CFAP65: variants seen among roughly 807,000 people sequenced by gnomAD.
CFAP65 encodes cilia- and flagella-associated protein 65.
In CFAP65, 155 loss-of-function variants were observed where a neutral mutation model predicts 208.0. That is an observed-to-expected ratio of 0.75 (90% CI 0.65 to 0.85). The LOEUF (loss-of-function observed/expected upper bound fraction) is 0.85, where lower values mean the gene tolerates loss of function less well. Ranked by LOEUF, CFAP65 falls within the 40% of genes least tolerant of loss-of-function variation. CFAP65 has a pLI of 0.00. For missense variants in CFAP65, 2,294 were observed against 2,451.3 expected (o/e 0.94, Z 1.36); for synonymous variants, 970 against 986.3 (o/e 0.98, Z 0.31).
rs1230616629 is a variant in CFAP65, at chr2:219,006,168, A to G, written c.4775T>C (p.Leu1592Pro). Reference protein sequence around the residue: ...QSVSRPASWKLQTPKEEVSWP... With the variant: ...QSVSRPASWKPQTPKEEVSWP... Reference sequence around the variant, plus strand: ...GGACACCTCCTCCTTTGGGGTCTGCAGTTTCCAGCTGGCAGGCCGGCTGAC... The same window carrying G: ...GGACACCTCCTCCTTTGGGGTCTGCGGTTTCCAGCTGGCAGGCCGGCTGAC... The change falls in exon 31 of 35, where the codon CTG becomes CCG. Residue 1592 changes from leucine (L) to proline (P), a missense_variant. Leu to Pro is a moderately conservative substitution (Grantham distance 98). Coordinates refer to ENST00000341552, the MANE Select transcript of CFAP65 (RefSeq NM_194302.4). The G allele has an allele frequency of 6.2e-7, 1 of 1,612,350 alleles. No homozygotes were observed. The highest frequency in any genetic ancestry group is 8.5e-7 in the Non-Finnish European group (1 of 1,178,944).
rs2106234578 is a variant in CFAP65, at chr2:219,031,303, T to G, written c.818A>C (p.Asp273Ala). ...EAFFCLDNVG[D>A]LPTFFTWEFS... ...CTCCCAGGTGAAGAAGGTGGGCAGG[T>G]CCCTGGGGGTGGGGGGCAGGTCAGG... The change falls in exon 8 of 35, where the codon GAC becomes GCC. Residue 273 changes from aspartate to alanine, a missense_variant and splice_region_variant. Coordinates refer to ENST00000341552, the MANE Select transcript of CFAP65 (RefSeq NM_194302.4). This position sits in a 1 kb window ranked among gnomAD's most constrained non-coding sequence, Gnocchi z 5.2. 3.1e-6 allele frequency: 5 copies of G among 1,613,324 alleles called. No homozygotes were observed. Among genetic ancestry groups the G allele is most frequent in the Non-Finnish European group, 4.2e-6 (5 of 1,179,488 alleles).
chr2:219,030,130 C>T lies in CFAP65; in HGVS notation c.1240G>A (p.Gly414Ser), dbSNP rs747361489. 4 of 1,614,124 alleles carry T rather than the reference C, an allele frequency of 2.5e-6. No individual in the cohort carries two copies. In the South Asian group the frequency reaches 4.4e-5, roughly 18 times the overall value. Reference sequence around the variant, plus strand: ...TTCTTCTCTCCCGGAAGCACGATGCCATGGGCCGTGGGGCATGAGAAGGCC... The same window carrying T: ...TTCTTCTCTCCCGGAAGCACGATGCTATGGGCCGTGGGGCATGAGAAGGCC... ...DQAFSCPTAH[G>S]IVLPGEKKCV... Residue 414 changes from glycine to serine, a missense_variant, in exon 10 of 35, where the codon GGC becomes AGC. Gly to Ser is a moderately conservative substitution (Grantham distance 56, BLOSUM62 0). This residue lies in a region of CFAP65 where 867 missense variants were observed against 1,012.6 expected (regional missense o/e 0.86). Coordinates refer to ENST00000341552, the MANE Select transcript of CFAP65 (RefSeq NM_194302.4).
At chr2:219,034,391 A>C (rs572319509) in intron 5 of CFAP65, 104 of 152,336 alleles carry the variant, frequency 6.8e-4, no homozygotes, top group African/African-American at 2.4e-3. Flanking sequence ...CCATATAGAC[A>C]AAAGACAAAT....
chr2:219,040,610 G>A (rs1010793447), intron 1 of CFAP65, 46 bp from the exon 2 acceptor site: 11 of 1,552,192 alleles, frequency 7.1e-6, no homozygotes, highest in Non-Finnish European at 9.6e-6. Context: ...CCACGGGATG[G>A]TCTTGCAGCC....
At chr2:219,016,912 C>T (rs1223616237) in intron 21 of CFAP65, among the ~76,000 whole-genome samples, 2 of 152,262 alleles carry the variant, frequency 1.3e-5, no homozygotes, top group African/African-American at 2.4e-5. Flanking sequence ...ACTCTCCACC[C>T]GCTGCTCCAG....
rs2106029879 is a variant in CFAP65, at chr2:219,002,861, A to G, written c.*76T>C. ...TCAAGGTAGATACAGAAAAAAGACT[A>G]GATGCTTTTACTGGCGGTGGAGAGG... is the stretch of plus-strand genomic sequence containing the variant. On this transcript the variant is annotated 3_prime_UTR_variant, in exon 35 of 35. Coordinates refer to ENST00000341552, the MANE Select transcript of CFAP65 (RefSeq NM_194302.4). The surrounding 1 kb of genome is among the most constrained non-coding windows in gnomAD (Gnocchi z 7.9). 1 of 1,290,708 alleles carries G rather than the reference A, an allele frequency of 7.7e-7. No individual in the cohort carries two copies. The highest frequency in any genetic ancestry group is 1.1e-6 in the Non-Finnish European group (1 of 910,144). 80.0% of individuals were successfully genotyped at this position (1,290,708 alleles called of 1,614,324 possible).
intron 9 of CFAP65, 119 bp from the exon 10 acceptor site, chr2:219,030,327 G>A (rs1008341841): frequency 3.4e-5 from 36 of 1,047,180 alleles, no homozygotes; most frequent in Non-Finnish European, 5.0e-5. Flanking sequence ...CTGGCATCCA[G>A]CCTGTGCCCC....
chr2:219,013,370 C>T lies in CFAP65; in HGVS notation c.3847-1G>A. 2 of 1,610,594 alleles carry T rather than the reference C, an allele frequency of 1.2e-6. No homozygotes were observed. The highest frequency in any genetic ancestry group is 1.7e-6 in the Non-Finnish European group (2 of 1,178,056). ...TCACTGTCACACCTATGAAATTTAG[C>T]TGGAAATAAAAGTTCCCCCGGAGGA... On this transcript the variant is annotated splice_acceptor_variant, in intron 23 of 34. Coordinates refer to ENST00000341552, the MANE Select transcript of CFAP65 (RefSeq NM_194302.4). LOFTEE classifies it high-confidence loss of function.
At chr2:219,006,663 GTC>G (rs970496502) in intron 29 of CFAP65, among the ~76,000 whole-genome samples, 154 bp from the exon 30 acceptor site, 35 of 152,166 alleles carry the variant, frequency 2.3e-4, no homozygotes, top group African/African-American at 8.2e-4. Flanking sequence ...GCGAAAGCCC[GTC>G]TCTACTAAAA....
chr2:219,006,608 C>CG, intron 29 of CFAP65, 99 bp from the exon 30 acceptor site: 1 of 1,166,716 alleles, frequency 8.6e-7, no homozygotes, highest in Non-Finnish European at 1.3e-6. Context: ...CCAAGGCGGG[C>CG]GGATCACCTG....
In CFAP65 at chr2:219,014,014, A is replaced by C; in HGVS notation, c.3633T>G (p.Ile1211Met). The change falls in exon 22 of 35, where the codon ATT becomes ATG. Residue 1211 changes from isoleucine to methionine, a missense_variant. Around this residue, in one of 2 missense-constraint regions of CFAP65, gnomAD observed 1,427 missense variants for 1,438.7 expected, o/e 0.99. Transcript: ENST00000341552. ...CTTGCTCTGCCCAGAGCTCCACGTC[A>C]ATCCGCTGGTCACTTGGAAGGAGGA... Reference protein sequence around the residue: ...WAFLLPSDQRIDVELWAEQAE... With the variant: ...WAFLLPSDQRMDVELWAEQAE... 1 of 1,612,752 alleles carries C rather than the reference A, an allele frequency of 6.2e-7. No individual in the cohort carries two copies. The highest frequency in any genetic ancestry group is 8.5e-7 in the Non-Finnish European group (1 of 1,179,312).
In CFAP65 at chr2:219,004,840, G is replaced by T. The variant is rs868539221; in HGVS notation, c.5052-385C>A. ...CTGGGGTGGGGGGGCCGGGGGGGGG[G>T]ACCGTGGTGGGATCTTGCAAAGAAG... On this transcript the variant is annotated intron_variant, in intron 32 of 34. Coordinates refer to ENST00000341552, the MANE Select transcript of CFAP65 (RefSeq NM_194302.4). The surrounding 1 kb of genome is among the most constrained non-coding windows in gnomAD (Gnocchi z 4.7). Among the ~76,000 whole-genome samples, 3 of 139,946 alleles carry T rather than the reference G, an allele frequency of 2.1e-5. No individual in the cohort carries two copies. Among genetic ancestry groups the T allele is most frequent in the Non-Finnish European group, 4.7e-5 (3 of 63,768 alleles). 91.8% of individuals were successfully genotyped at this position (139,946 alleles called of 152,430 possible).
At chr2:219,036,098 G>A (rs575428357) in intron 4 of CFAP65, among the ~76,000 whole-genome samples, 1 of 152,230 alleles carries the variant, frequency 6.6e-6, no homozygotes, top group Admixed American at 6.5e-5. Flanking sequence ...GTCTATCCCA[G>A]GCCCTTTTCC....
rs1370857862 is a variant in CFAP65 at position 219,008,064 on chromosome 2, C to T, written c.4674+983G>A. Among the ~76,000 whole-genome samples, 6 of 152,104 alleles carry T rather than the reference C, an allele frequency of 3.9e-5. No homozygotes were observed. In the East Asian group the frequency reaches 9.7e-4, roughly 25 times the overall value. On this transcript the variant is annotated intron_variant, in intron 29 of 34. Transcript: ENST00000341552. The stretch of plus-strand genomic sequence containing the variant: ...GAACTCCTGACCTCAAGTGATCTAC[C>T]CGCCTTGGCCTCCCAAAGTGCTGGG...
At position 219,019,102 on chromosome 2, in the gene CFAP65, G is replaced by A. The variant is rs201942758; in HGVS notation, c.3551C>T (p.Pro1184Leu). 6 of 1,614,128 alleles carry A rather than the reference G, an allele frequency of 3.7e-6. No individual in the cohort carries two copies. The highest frequency in any genetic ancestry group is 5.1e-6 in the Non-Finnish European group (6 of 1,180,054). Residue 1184 changes from proline to leucine, a missense_variant, in exon 21 of 35, where the codon CCT becomes CTT. This residue lies in a region of CFAP65 where 1,427 missense variants were observed against 1,438.7 expected (regional missense o/e 0.99). Coordinates refer to ENST00000341552, the MANE Select transcript of CFAP65 (RefSeq NM_194302.4). ...CTTCAGGGCCAGGAATACCACGGAAGGTGGGGCCTTGAATGGTGCGGCCCC... is the reference window on the plus strand; with the variant it reads ...CTTCAGGGCCAGGAATACCACGGAAAGTGGGGCCTTGAATGGTGCGGCCCC... Reference protein sequence around the residue: ...NFGAAPFKAPPSVVFLALKNS... With the variant: ...NFGAAPFKAPLSVVFLALKNS...
Position 219,024,473 on chromosome 2 carries a change from G to GAGAT in CFAP65, c.2350-214_2350-213insATCT, listed in dbSNP as rs372295405. Reference sequence around the variant, plus strand: ...TGTTCTCCAGAGACCTCCAGAAAGGGGCGGGGGGGGGGCAGGGGGGCGGGG... The same window carrying GAGAT: ...TGTTCTCCAGAGACCTCCAGAAAGGGAGATGCGGGGGGGGGGCAGGGGGGCGGGG... On this transcript the variant is annotated intron_variant, in intron 14 of 34. Transcript: ENST00000341552. Among the ~76,000 whole-genome samples, 58 of 102,134 alleles carry GAGAT rather than the reference G, an allele frequency of 5.7e-4. 2 individuals carry two copies. The highest frequency in any genetic ancestry group is 2.2e-3 in the African/African-American group (48 of 21,784). 67.0% of individuals were successfully genotyped at this position (102,134 alleles called of 152,430 possible).
rs1392950885 is a variant in CFAP65 at position 219,013,561 on chromosome 2, G to A, written c.3804C>T (p.His1268=). 1.9e-6 allele frequency: 3 copies of A among 1,601,268 alleles called. No individual in the cohort carries two copies. Among genetic ancestry groups the A allele is most frequent in the Non-Finnish European group, 1.7e-6 (2 of 1,175,326 alleles). The change falls in exon 23 of 35, where the codon CAC becomes CAT. Residue 1268 remains histidine (H), a synonymous_variant. Coordinates refer to ENST00000341552, the MANE Select transcript of CFAP65 (RefSeq NM_194302.4). The part of the protein sequence containing the change: ...KYSHLFIGTD[H]LPVLFKVSHG... ...GGGACACCTTGAAGAGCACTGGGAG[G>A]TGATCAGTACCGATGAACAGGTGGC... is the stretch of plus-strand genomic sequence containing the variant.
At chr2:219,037,979 T>C (rs992147015) in intron 4 of CFAP65, among the ~76,000 whole-genome samples, 1 of 152,166 alleles carries the variant, frequency 6.6e-6, no homozygotes, top group African/African-American at 2.4e-5. Flanking sequence ...CCGGAAGAAC[T>C]TCCTGAGGAA....
intron 24 of CFAP65, 136 bp downstream of exon 24, chr2:219,013,123 G>T: frequency 1.5e-6 from 1 of 672,770 alleles, no homozygotes. Flanking sequence ...GCCCAGTCTG[G>T]GGGTTCAACC....
Sources: allele counts gnomAD v4.1 joint callset (sites outside exome capture counted in the v4.1 genomes callset), GRCh38; gene constraint gnomAD v4.1.1; regional missense constraint gnomAD v4.1.1; non-coding constraint Gnocchi (gnomAD v3.1); transcripts MANE v1.5; gene names NCBI Gene and HGNC (gene_info 2026-07-23, HGNC 2026-07-21).